The following EPHA7 variants were observed in gnomAD, a reference collection of about 807,000 sequenced individuals.
The protein encoded by EPHA7 is ephrin type-A receptor 7.
A neutral mutation model predicts 112.6 loss-of-function variants in EPHA7; 25 were observed. The observed-to-expected ratio is 0.22, with a 90% CI of 0.16 to 0.31. EPHA7 has a LOEUF of 0.31. Among genes scored for constraint, EPHA7 ranks in the 10% least tolerant of loss-of-function variants. The pLI is 1.00. For missense variants in EPHA7, 962 were observed against 1,212.6 expected (o/e 0.79, Z 3.07); for synonymous variants, 437 against 406.5 (o/e 1.07, Z -0.90).
chr6:93,359,362 A>G (rs925696025), intron 3 of EPHA7, among the ~76,000 whole-genome samples: 3 of 150,676 alleles, frequency 2.0e-5, no homozygotes, highest in Non-Finnish European at 4.4e-5. Context: ...AATAATTTTT[A>G]TTAATATAAT....
In EPHA7 at chr6:93,320,404, C is replaced by T. The variant is rs114211264; in HGVS notation, c.1324+36313G>A. Among the ~76,000 whole-genome samples the T allele has an allele frequency of 5.0e-3, 754 of 152,048 alleles. 12 individuals carry two copies. The highest frequency in any genetic ancestry group is 0.018 in the African/African-American group (727 of 41,522). On this transcript the variant is annotated intron_variant, in intron 5 of 16. Coordinates refer to ENST00000369303, the MANE Select transcript of EPHA7 (RefSeq NM_004440.4). ...ACAGAACTCTTTAAAATTAACATTACATTACAATGATAGGCAAAGTGATTA... is the reference window on the plus strand; with the variant it reads ...ACAGAACTCTTTAAAATTAACATTATATTACAATGATAGGCAAAGTGATTA...
chr6:93,402,748 C>A (rs977468850), intron 3 of EPHA7, among the ~76,000 whole-genome samples: 21 of 151,952 alleles, frequency 1.4e-4, no homozygotes, highest in African/African-American at 4.3e-4. Flanking sequence ...GCAATCCAAA[C>A]TAATATTTAT....
intron 5 of EPHA7, among the ~76,000 whole-genome samples, chr6:93,350,159 A>G (rs1562115540): frequency 6.6e-6 from 1 of 151,974 alleles, no homozygotes; most frequent in Non-Finnish European, 1.5e-5. Flanking sequence ...AGATAATAAA[A>G]CAGTAATGAG....
chr6:93,393,318 T>C (rs1026972948), intron 3 of EPHA7, among the ~76,000 whole-genome samples: 1 of 151,900 alleles, frequency 6.6e-6, no homozygotes, highest in South Asian at 2.1e-4. Flanking sequence ...ATCTGAAATA[T>C]AAATCAGTAT....
intron 14 of EPHA7, among the ~76,000 whole-genome samples, chr6:93,249,305 T>C (rs559257294): frequency 3.3e-5 from 5 of 152,230 alleles, no homozygotes; most frequent in African/African-American, 9.6e-5. Context: ...ACATTTTAAG[T>C]GCTAAGAATT....
intron 14 of EPHA7, among the ~76,000 whole-genome samples, chr6:93,253,465 T>TTA (rs1174280781): frequency 4.8e-5 from 1 of 20,922 alleles, no homozygotes; most frequent in East Asian, 4.8e-3. Flanking sequence ...AGTCTAAATG[T>TTA]TAGTTGTCTA....
At chr6:93,248,398 G>C (rs933043564) in intron 14 of EPHA7, among the ~76,000 whole-genome samples, 1 of 151,868 alleles carries the variant, frequency 6.6e-6, no homozygotes. Flanking sequence ...AGTTTAAAAA[G>C]TAAATAGATG....
At chr6:93,292,519 A>T (rs915332703) in intron 5 of EPHA7, among the ~76,000 whole-genome samples, 1 of 152,056 alleles carries the variant, frequency 6.6e-6, no homozygotes, top group South Asian at 2.1e-4. Context: ...GGGGGGCGGT[A>T]TTCAGTTAAG....
At chr6:93,293,180 T>C (rs916942797) in intron 5 of EPHA7, among the ~76,000 whole-genome samples, 6 of 151,588 alleles carry the variant, frequency 4.0e-5, no homozygotes, top group Admixed American at 2.0e-4. Context: ...CATATATATA[T>C]ATATAATTTT....
At chr6:93,250,513 A>G (rs1770159570) in intron 14 of EPHA7, among the ~76,000 whole-genome samples, 1 of 152,162 alleles carries the variant, frequency 6.6e-6, no homozygotes, top group Admixed American at 6.6e-5. Flanking sequence ...AGAGAGGGCC[A>G]GTCAGTATCA....
chr6:93,380,398 T>A (rs555154734), intron 3 of EPHA7, among the ~76,000 whole-genome samples: 1 of 152,216 alleles, frequency 6.6e-6, no homozygotes, highest in African/African-American at 2.4e-5. Flanking sequence ...GGCATTTTAA[T>A]CCATTTTTAT....
At chr6:93,361,222 T>C (rs921507953) in intron 3 of EPHA7, among the ~76,000 whole-genome samples, 9 of 152,100 alleles carry the variant, frequency 5.9e-5, no homozygotes, top group African/African-American at 1.9e-4. Context: ...TGAAGTAATA[T>C]TCTGTCTCAG....
At chr6:93,320,189 T>A (rs956915051) in intron 5 of EPHA7, among the ~76,000 whole-genome samples, 1 of 152,022 alleles carries the variant, frequency 6.6e-6, no homozygotes, top group Admixed American at 6.6e-5. Context: ...CTGTAGAAAT[T>A]GTATCTGATA....
intron 6 of EPHA7, 48 bp downstream of exon 6, chr6:93,272,250 C>T: frequency 6.2e-7 from 1 of 1,604,974 alleles, no homozygotes; most frequent in Non-Finnish European, 8.5e-7. Context: ...AGTAGGATGA[C>T]ATGAGACACA....
chr6:93,309,085 A>C (rs1273439782), intron 5 of EPHA7, among the ~76,000 whole-genome samples: 2 of 151,828 alleles, frequency 1.3e-5, no homozygotes, highest in African/African-American at 4.8e-5. Flanking sequence ...AGTAGCTGGG[A>C]TTACAGGCAT....
At chr6:93,276,174 AGAGATTATCCTGG>A (rs1771461043) in intron 5 of EPHA7, among the ~76,000 whole-genome samples, 2 of 152,054 alleles carry the variant, frequency 1.3e-5, no homozygotes, top group African/African-American at 4.8e-5. Context: ...GTTAAAATAA[AGAGATTATCCTGG>A]ATTCTTCCCA....
intron 5 of EPHA7, among the ~76,000 whole-genome samples, chr6:93,299,856 A>G (rs1347246997): frequency 6.6e-6 from 1 of 152,230 alleles, no homozygotes; most frequent in Non-Finnish European, 1.5e-5. Context: ...CTTTATCCTT[A>G]GCAAAGTAGC....
At chr6:93,324,480 C>A (rs1343861390) in intron 5 of EPHA7, among the ~76,000 whole-genome samples, 1 of 151,286 alleles carries the variant, frequency 6.6e-6, no homozygotes, top group Non-Finnish European at 1.5e-5. Flanking sequence ...ATACAATAAT[C>A]TAGCAGGATT....
chr6:93,329,722 T>C (rs749489282), intron 5 of EPHA7, among the ~76,000 whole-genome samples: 110 of 151,482 alleles, frequency 7.3e-4, no homozygotes, highest in Non-Finnish European at 1.2e-3. Flanking sequence ...TTAAATTATA[T>C]TTTGTATAAA....
Sources: allele counts gnomAD v4.1 joint callset (sites outside exome capture counted in the v4.1 genomes callset), GRCh38; gene constraint gnomAD v4.1.1; transcripts MANE v1.5; gene names NCBI Gene and HGNC (gene_info 2026-07-23, HGNC 2026-07-21).